Variants in SLC7A8 observed in about 807,000 individuals in gnomAD.
The protein encoded by SLC7A8 is large neutral amino acids transporter small subunit 2.
In SLC7A8, 30 loss-of-function variants were observed where a neutral mutation model predicts 51.2. That is an observed-to-expected ratio of 0.59 (90% confidence interval 0.44 to 0.80). The LOEUF is 0.80. Ranked by LOEUF, SLC7A8 falls within the 30% of genes least tolerant of loss-of-function variation. The pLI is 0.00. For missense variants in SLC7A8, 612 were observed against 674.4 expected (o/e 0.91, Z 1.03); for synonymous variants, 257 against 275.8 (o/e 0.93, Z 0.67).
intron 3 of SLC7A8, among the ~76,000 whole-genome samples, chr14:23,145,225 T>G (rs1369194195): frequency 6.6e-6 from 1 of 151,448 alleles, no homozygotes; most frequent in Non-Finnish European, 1.5e-5. Flanking sequence ...TGCATTTCTT[T>G]GTATTAAAAT....
Position 23,128,389 on chromosome 14 carries a change from A to T in SLC7A8, c.1264-193T>A, listed in dbSNP as rs1286345186. On this transcript the variant is annotated intron_variant, in intron 9 of 10. Transcript: ENST00000316902. The surrounding 1 kb of genome is among the most constrained non-coding windows in gnomAD (Gnocchi z 4.3). ...GCTATATAAACAAATGTTGATGAAC[A>T]TGGTCGGTCAGACAGGAAGAGGATG... is the stretch of plus-strand genomic sequence containing the variant. 1.4e-5 allele frequency: 22 copies of T among 1,523,928 alleles called. No homozygotes were observed. The highest frequency in any genetic ancestry group is 1.9e-5 in the Non-Finnish European group (22 of 1,138,322). 94.4% of individuals were successfully genotyped at this position (1,523,928 alleles called of 1,614,324 possible).
At chr14:23,157,157 C>T (rs2048898345) in intron 3 of SLC7A8, among the ~76,000 whole-genome samples, 1 of 152,196 alleles carries the variant, frequency 6.6e-6, no homozygotes. Context: ...ACAATACGTA[C>T]AGACAATACG....
At chr14:23,143,719 A>G (rs2048765922) in intron 3 of SLC7A8, among the ~76,000 whole-genome samples, 1 of 152,236 alleles carries the variant, frequency 6.6e-6, no homozygotes, top group African/African-American at 2.4e-5. Context: ...AATGCATTTA[A>G]TGGCTTAATC....
chr14:23,161,788 A>C (rs1377544264), intron 3 of SLC7A8, among the ~76,000 whole-genome samples: 1 of 152,080 alleles, frequency 6.6e-6, no homozygotes, highest in Non-Finnish European at 1.5e-5. Context: ...TTAGCTGGGC[A>C]TGGTGGCTTA....
At chr14:23,140,993 G>A (rs1327835711) in intron 4 of SLC7A8, among the ~76,000 whole-genome samples, 1 of 152,200 alleles carries the variant, frequency 6.6e-6, no homozygotes, top group East Asian at 1.9e-4. Flanking sequence ...TCATGAAGAA[G>A]CATCCAGGGT....
intron 1 of SLC7A8, among the ~76,000 whole-genome samples, chr14:23,175,938 T>C (rs970353523): frequency 4.6e-5 from 7 of 152,208 alleles, no homozygotes; most frequent in African/African-American, 1.7e-4. Flanking sequence ...CCAAGATGTG[T>C]TTGTTTTGAA....
intron 8 of SLC7A8, among the ~76,000 whole-genome samples, chr14:23,131,123 T>G (rs2048628173): frequency 6.6e-6 from 1 of 152,212 alleles, no homozygotes; most frequent in South Asian, 2.1e-4. Flanking sequence ...GCTGCAACCC[T>G]GTGGTAACAG....
At position 23,128,530 on chromosome 14, in the gene SLC7A8, G is replaced by T. The variant is rs1005332065; in HGVS notation, c.1264-334C>A. ...CGTGGCAGCCAGAGAAGCCCACAGG[G>T]ATGGAGAAGCTTGCTGGCACATGGG... On this transcript the variant is annotated intron_variant, in intron 9 of 10. Coordinates refer to ENST00000316902, the MANE Select transcript of SLC7A8 (RefSeq NM_012244.4). The surrounding 1 kb of genome is among the most constrained non-coding windows in gnomAD (Gnocchi z 4.3). 1.3e-5 allele frequency among the ~76,000 whole-genome samples: 2 copies of T among 152,242 alleles called. No homozygotes were observed. The highest frequency in any genetic ancestry group is 4.8e-5 in the African/African-American group (2 of 41,466).
At chr14:23,174,674 A>C (rs962951459) in intron 1 of SLC7A8, among the ~76,000 whole-genome samples, 1 of 152,244 alleles carries the variant, frequency 6.6e-6, no homozygotes, top group Non-Finnish European at 1.5e-5. Context: ...GTTTGTTAAA[A>C]TGTGGAATAA....
intron 9 of SLC7A8, among the ~76,000 whole-genome samples, chr14:23,129,006 G>T (rs1021759109): frequency 6.6e-6 from 1 of 152,192 alleles, no homozygotes; most frequent in African/African-American, 2.4e-5. Context: ...AATAGCTCTG[G>T]AGTACACTCT....
rs868386044 is a variant in SLC7A8, at chr14:23,155,190, C to T, written c.508+10095G>A. ...CAACGTTTTAGAAATCTCGGAACCC[C>T]CTCCAAAGGAGAGGAGGTGCTCTGA... On this transcript the variant is annotated intron_variant, in intron 3 of 10. Transcript: ENST00000316902. The T allele has an allele frequency of 8.5e-6, 13 of 1,535,810 alleles. No individual in the cohort carries two copies. In the African/African-American group the frequency reaches 1.8e-4, roughly 21 times the overall value.
chr14:23,160,025 G>T (rs1566369665), intron 3 of SLC7A8, among the ~76,000 whole-genome samples: 1 of 152,226 alleles, frequency 6.6e-6, no homozygotes, highest in Non-Finnish European at 1.5e-5. Flanking sequence ...TTCCACTTCA[G>T]GTGCTGGACA....
At chr14:23,161,320 C>T (rs1594836323) in intron 3 of SLC7A8, among the ~76,000 whole-genome samples, 1 of 152,170 alleles carries the variant, frequency 6.6e-6, no homozygotes, top group South Asian at 2.1e-4. Context: ...CACAGGCTCT[C>T]CCTGCTGGGC....
chr14:23,155,231 C>T (rs2048883731), intron 3 of SLC7A8: 1 of 1,535,936 alleles, frequency 6.5e-7, no homozygotes, highest in African/African-American at 1.4e-5. Context: ...CCGGAAGGGC[C>T]TCTCTCTTCC....
chr14:23,135,529 C>T (rs1009015306), intron 7 of SLC7A8, among the ~76,000 whole-genome samples: 6 of 151,760 alleles, frequency 4.0e-5, no homozygotes, highest in East Asian at 3.9e-4. Context: ...GGTGAAACCC[C>T]GTCTCTACTA....
intron 7 of SLC7A8, among the ~76,000 whole-genome samples, chr14:23,136,668 A>G (rs1384230119): frequency 2.0e-5 from 3 of 152,180 alleles, no homozygotes; most frequent in Non-Finnish European, 4.4e-5. Context: ...GGAGCACACC[A>G]TGCGCCACCG....
rs2239629 is a variant in SLC7A8 at position 23,128,919 on chromosome 14, T to G, written c.1264-723A>C. ...AAATGCCAGTGAGGAACTGAGAGAT[T>G]TGGAGAGCCTTTGATTTTTCAGCTG... On this transcript the variant is annotated intron_variant, in intron 9 of 10. Transcript: ENST00000316902. This position sits in a 1 kb window ranked among gnomAD's most constrained non-coding sequence, Gnocchi z 4.3. 0.17 allele frequency among the ~76,000 whole-genome samples: 25,998 copies of G among 152,160 alleles called. 2,543 individuals carry two copies. Among genetic ancestry groups the G allele is most frequent in the East Asian group, 0.45 (2,344 of 5,160 alleles).
chr14:23,158,711 T>G (rs902657938), intron 3 of SLC7A8, among the ~76,000 whole-genome samples: 5 of 152,236 alleles, frequency 3.3e-5, no homozygotes, highest in African/African-American at 1.2e-4. Flanking sequence ...GTATTTCATT[T>G]TGATTTGGGG....
chr14:23,138,114 T>G, intron 6 of SLC7A8, 90 bp from the exon 7 acceptor site: 4 of 1,468,506 alleles, frequency 2.7e-6, no homozygotes, highest in Non-Finnish European at 3.7e-6. Context: ...CCGTTTCTCC[T>G]ATCTCCACCC....
Sources: allele counts gnomAD v4.1 joint callset (sites outside exome capture counted in the v4.1 genomes callset), GRCh38; gene constraint gnomAD v4.1.1; non-coding constraint Gnocchi (gnomAD v3.1); transcripts MANE v1.5; gene names NCBI Gene and HGNC (gene_info 2026-07-23, HGNC 2026-07-21).